USF2: variants seen among roughly 807,000 people sequenced by gnomAD.
USF2 encodes the protein upstream stimulatory factor 2.
In USF2, 16 loss-of-function variants were observed where a neutral mutation model predicts 46.9. That is an observed-to-expected ratio of 0.34 (90% CI 0.23 to 0.52). USF2 has a LOEUF of 0.52. Ranked by LOEUF, USF2 falls within the 20% of genes least tolerant of loss-of-function variation. The pLI is 0.96. For synonymous variants in USF2, 239 were observed against 194.1 expected (o/e 1.23, Z -1.92); for missense variants, 411 against 474.0 (o/e 0.87, Z 1.23).
intron 7 of USF2, 192 bp from the exon 8 acceptor site, chr19:35,278,506 C>A (rs1439068928): frequency 4.8e-6 from 3 of 619,346 alleles, no homozygotes; most frequent in African/African-American, 1.8e-5. Context: ...GCCCACGTTT[C>A]TTTGTTCCTC....
chr19:35,278,434 A>G (rs1043059640), intron 7 of USF2: 4 of 452,856 alleles, frequency 8.8e-6, no homozygotes, highest in African/African-American at 8.0e-5. Flanking sequence ...GCAGGCCTGC[A>G]AAATGATCTC....
rs1458930386 is a variant in USF2 at position 35,279,235 on chromosome 19, G to A, written c.1020G>A (p.Val340=). The A allele has an allele frequency of 6.4e-7, 1 of 1,558,568 alleles. No homozygotes were observed. Among genetic ancestry groups the A allele is most frequent in the South Asian group, 1.2e-5 (1 of 84,440 alleles). ...TGCAGCAGCACAACCTGGAGATGGT[G>A]GGCGAGGGCACCCGGCAGTGACGCC... ...AQLQQHNLEM[V]GEGTRQ Residue 340 remains valine, a synonymous_variant, in exon 10 of 10, where the codon GTG becomes GTA. Coordinates refer to ENST00000222305, the MANE Select transcript of USF2 (RefSeq NM_003367.4).
intron 1 of USF2, 68 bp downstream of exon 1, chr19:35,269,231 G>A (rs1473536042): frequency 3.1e-6 from 3 of 962,960 alleles, no homozygotes; most frequent in Admixed American, 1.3e-4. Flanking sequence ...CCTGCAGGCC[G>A]GGGCCGCCAT....
At chr19:35,272,787 G>A (rs772608835) in intron 7 of USF2, among the ~76,000 whole-genome samples, 9 of 152,002 alleles carry the variant, frequency 5.9e-5, no homozygotes, top group Non-Finnish European at 1.2e-4. Flanking sequence ...GGAGAATAAG[G>A]GTTTCGTGCT....
chr19:35,271,255 TC>T, intron 7 of USF2, 114 bp downstream of exon 7: 1 of 1,253,204 alleles, frequency 8.0e-7, no homozygotes, highest in Non-Finnish European at 1.1e-6. Flanking sequence ...CCACAAGTGC[TC>T]CAGAGGGCTT....
intron 6 of USF2, 99 bp downstream of exon 6, chr19:35,270,904 T>A: frequency 6.7e-7 from 1 of 1,497,030 alleles, no homozygotes; most frequent in South Asian, 1.1e-5. Flanking sequence ...GGGCACATGG[T>A]GTAATGTTTT....
At chr19:35,273,622 A>G (rs576961089) in intron 7 of USF2, among the ~76,000 whole-genome samples, 15 of 152,304 alleles carry the variant, frequency 9.8e-5, no homozygotes, top group Non-Finnish European at 1.5e-4. Flanking sequence ...CAGTGGCACA[A>G]TCACAGCTCA....
intron 7 of USF2, chr19:35,274,933 G>C (rs1025951873): frequency 1.4e-5 from 2 of 146,460 alleles, no homozygotes; most frequent in Non-Finnish European, 3.0e-5. Flanking sequence ...CAGAAACTCT[G>C]AGAAGCTAGA....
rs774160652 is a variant in USF2, at chr19:35,270,479, C to G, written c.462C>G (p.Gly154=). The G allele has an allele frequency of 6.2e-7, 1 of 1,613,862 alleles. No homozygotes were observed. Among genetic ancestry groups the G allele is most frequent in the East Asian group, 2.2e-5 (1 of 44,888 alleles). ...AVIQNPFSNG[G]SPAAEAVSGE... is the part of the protein sequence containing the mutation. ...TCCAAAATCCCTTCAGCAATGGTGG[C>G]AGTCCGGCGGCCGAGGCTGTCAGCG... Residue 154 remains glycine, a synonymous_variant, in exon 5 of 10, where the codon GGC becomes GGG. Coordinates refer to ENST00000222305, the MANE Select transcript of USF2 (RefSeq NM_003367.4).
intron 7 of USF2, among the ~76,000 whole-genome samples, chr19:35,274,518 G>A (rs1307335832): frequency 6.6e-6 from 1 of 152,204 alleles, no homozygotes; most frequent in Non-Finnish European, 1.5e-5. Context: ...GTGGCTGGGT[G>A]TGGTGGCTCC....
At position 35,271,158 on chromosome 19, in the gene USF2, G is replaced by A; in HGVS notation, c.727+17G>A. 6 of 1,613,894 alleles carry A rather than the reference G, an allele frequency of 3.7e-6. No homozygotes were observed. The highest frequency in any genetic ancestry group is 5.1e-6 in the Non-Finnish European group (6 of 1,179,966). The stretch of plus-strand genomic sequence containing the variant: ...ACAACGAAGGTGAGGACAAGGTGTG[G>A]CTCCGGGTCCCCCTGACCACCACCC... On this transcript the variant is annotated intron_variant, in intron 7 of 9. Transcript: ENST00000222305.
chr19:35,270,344 C>T (rs765059802), intron 4 of USF2, 103 bp from the exon 5 acceptor site: 18 of 1,499,820 alleles, frequency 1.2e-5, no homozygotes, highest in Admixed American at 8.3e-5. Flanking sequence ...GTCCCCACTC[C>T]TGTTAATTGC....
At position 35,269,792 on chromosome 19, in the gene USF2, GC is replaced by G; in HGVS notation, c.229-6del. The G allele has an allele frequency of 6.7e-7, 1 of 1,490,390 alleles. No individual in the cohort carries two copies. The highest frequency in any genetic ancestry group is 8.9e-7 in the Non-Finnish European group (1 of 1,124,336). 92.3% of individuals were successfully genotyped at this position (1,490,390 alleles called of 1,614,324 possible). On this transcript the variant is annotated splice_polypyrimidine_tract_variant and intron_variant, in intron 3 of 9. Transcript: ENST00000222305. ...CCAGCGCCGGCCTCGCCGCTCTGCC[GC>G]CCCCTGCAGGTGACATACCGCGTAG...
In USF2 at chr19:35,269,702, G is replaced by A. The variant is rs540688534; in HGVS notation, c.228+3G>A. On this transcript the variant is annotated splice_donor_region_variant and intron_variant, in intron 3 of 9. Transcript: ENST00000222305. ...GCACAGAGACAAATGGAGGACAGGT[G>A]AGCGGCGGGCCGCGAGGGCGAACGG... is the stretch of plus-strand genomic sequence containing the variant. 4 of 1,495,422 alleles carry A rather than the reference G, an allele frequency of 2.7e-6. No homozygotes were observed. The African/African-American group carries it at 4.4e-5, about 16-fold the overall frequency. 92.6% of individuals were successfully genotyped at this position (1,495,422 alleles called of 1,614,324 possible).
chr19:35,276,253 G>A (rs1955128186), intron 7 of USF2, among the ~76,000 whole-genome samples: 1 of 151,906 alleles, frequency 6.6e-6, no homozygotes, highest in South Asian at 2.1e-4. Context: ...TGCATTTTTA[G>A]TAGAGCCGGG....
chr19:35,270,455 C>T lies in USF2; in HGVS notation c.438C>T (p.Ile146=), dbSNP rs1435693476. 1.2e-6 allele frequency: 2 copies of T among 1,612,840 alleles called. No homozygotes were observed. Among genetic ancestry groups the T allele is most frequent in the Non-Finnish European group, 1.7e-6 (2 of 1,179,684 alleles). The change falls in exon 5 of 10, where the codon ATC becomes ATT. Residue 146 remains isoleucine (I), a synonymous_variant. Coordinates refer to ENST00000222305, the MANE Select transcript of USF2 (RefSeq NM_003367.4). Reference sequence around the variant, plus strand: ...GCCCTCCTACTCCCCAGGCTGTGATCCAAAATCCCTTCAGCAATGGTGGCA... The same window carrying T: ...GCCCTCCTACTCCCCAGGCTGTGATTCAAAATCCCTTCAGCAATGGTGGCA... ...GPAAPFPLAV[I]QNPFSNGGSP...
Position 35,279,344 on chromosome 19 carries a change from C to T in USF2, c.*88C>T. 1 of 1,306,716 alleles carries T rather than the reference C, an allele frequency of 7.7e-7. No homozygotes were observed. Among genetic ancestry groups the T allele is most frequent in the Non-Finnish European group, 1.0e-6 (1 of 1,003,314 alleles). The allele number at this position is 1,306,716 out of a possible 1,614,324, so 80.9% of individuals were successfully genotyped here. ...CCTTAGCACAGAGAGGGACACATGC[C>T]CCTCCCCCAGCTGCGTTTTTTTATA... On this transcript the variant is annotated 3_prime_UTR_variant, in exon 10 of 10. Transcript: ENST00000222305.
chr19:35,269,986 G>A lies in USF2; in HGVS notation c.412G>A (p.Ala138Thr), dbSNP rs2066125327. The change falls in exon 4 of 10, where the codon GCA becomes ACA. Residue 138 changes from alanine (A) to threonine (T), a missense_variant. By Grantham distance (58) the Ala-to-Thr change is moderately conservative (BLOSUM62 0). Coordinates refer to ENST00000222305, the MANE Select transcript of USF2 (RefSeq NM_003367.4). ...CGCTGCCTCTGTGCCCCCAGGTCCT[G>A]CAGCGCCCTTCCCGCTGGTAGGTGC... is the stretch of plus-strand genomic sequence containing the variant. ...PAAASVPPGP[A>T]APFPLAVIQN... is the part of the protein sequence containing the mutation. The A allele has an allele frequency of 1.5e-6, 2 of 1,343,768 alleles. No homozygotes were observed. Among genetic ancestry groups the A allele is most frequent in the African/African-American group, 1.5e-5 (1 of 65,064 alleles). 83.2% of individuals were successfully genotyped at this position (1,343,768 alleles called of 1,614,324 possible).
rs185502452 is a variant in USF2 at position 35,273,429 on chromosome 19, A to G, written c.727+2288A>G. Among the ~76,000 whole-genome samples the G allele has an allele frequency of 6.4e-4, 98 of 152,276 alleles. 3 individuals are homozygous for G. In the East Asian group the frequency reaches 0.015, roughly 24 times the overall value. On this transcript the variant is annotated intron_variant, in intron 7 of 9. Coordinates refer to ENST00000222305, the MANE Select transcript of USF2 (RefSeq NM_003367.4). ...TCTTTGCCTTTCCTACCCCACTGTT[A>G]ACAGTGAAATTTCCAGGGCTGTCCC...
Sources: allele counts gnomAD v4.1 joint callset (sites outside exome capture counted in the v4.1 genomes callset), GRCh38; gene constraint gnomAD v4.1.1; transcripts MANE v1.5; gene names NCBI Gene and HGNC (gene_info 2026-07-23, HGNC 2026-07-21).